SPATS2L: variants seen among roughly 807,000 people sequenced by gnomAD.
SPATS2L encodes the protein spermatogenesis associated serine rich 2 like, also known as SPATS2-like protein.
Under a neutral mutation model 59.6 loss-of-function variants are expected in SPATS2L, and 30 were observed. The ratio of observed to expected loss-of-function variants is 0.50; its 90% CI spans 0.38 to 0.68. The LOEUF (loss-of-function observed/expected upper bound fraction) is 0.68. SPATS2L is among the 30% of genes least tolerant of loss of function. The probability of loss-of-function intolerance (pLI) is 0.00; values close to 1 mark genes in which losing one functional copy is unlikely to be tolerated. For missense variants in SPATS2L, 615 were observed against 700.0 expected, an observed-to-expected ratio of 0.88 and a Z score of 1.37; for synonymous variants, 252 against 263.5, an observed-to-expected ratio of 0.96 and a Z score of 0.42.
rs552537491 is a variant in SPATS2L at position 200,477,792 on chromosome 2, C to T, written c.1438C>T (p.Arg480Trp). 10 of 1,576,520 alleles carry T rather than the reference C, an allele frequency of 6.3e-6. No individual in the cohort carries two copies. Among genetic ancestry groups the T allele is most frequent in the Admixed American group, 1.9e-5 (1 of 53,796 alleles). The change falls in exon 13 of 13, where the codon CGG (arginine) becomes TGG (tryptophan). Residue 480 changes from arginine (R) to tryptophan (W), a missense_variant. By Grantham distance (101) the Arg-to-Trp change is moderately radical. This residue lies in a region of SPATS2L where 284 missense variants were observed against 280.1 expected (regional missense o/e 1.01). Transcript: ENST00000409140. The part of the protein sequence containing the change: ...EHRRQPHNGF[R>W]PKNKGGAKNQ... ...CAGAAGACAGCCGCACAACGGCTTC[C>T]GGCCCAAAAACAAAGGCGGTGCCAA...
chr2:200,438,753 T>C (rs1164903558), intron 6 of SPATS2L, among the ~76,000 whole-genome samples: 11 of 152,166 alleles, frequency 7.2e-5, no homozygotes, highest in African/African-American at 1.2e-4. Flanking sequence ...AAATTGTACT[T>C]AAAAGACTCA....
intron 12 of SPATS2L, among the ~76,000 whole-genome samples, chr2:200,475,811 C>A (rs1409438740): frequency 6.6e-6 from 1 of 152,148 alleles, no homozygotes; most frequent in Non-Finnish European, 1.5e-5. Context: ...ATTTGTAACT[C>A]ATAAAATTTC....
chr2:200,418,193 G>A (rs1559113473), intron 5 of SPATS2L, among the ~76,000 whole-genome samples: 1 of 152,198 alleles, frequency 6.6e-6, no homozygotes, highest in African/African-American at 2.4e-5. Flanking sequence ...GCTAGCAGCC[G>A]AGAGGTCCAG....
At chr2:200,427,317 A>G (rs1268664880) in intron 6 of SPATS2L, among the ~76,000 whole-genome samples, 2 of 151,986 alleles carry the variant, frequency 1.3e-5, no homozygotes, top group South Asian at 2.1e-4. Flanking sequence ...CAAGCACCCC[A>G]TAAATATATA....
At chr2:200,427,692 T>A (rs2083659411) in intron 6 of SPATS2L, among the ~76,000 whole-genome samples, 1 of 152,120 alleles carries the variant, frequency 6.6e-6, no homozygotes, top group Admixed American at 6.5e-5. Flanking sequence ...TATCTGTATT[T>A]GATAAAGACA....
At chr2:200,334,055 C>T (rs1288467426) in intron 2 of SPATS2L, among the ~76,000 whole-genome samples, 7 of 152,358 alleles carry the variant, frequency 4.6e-5, no homozygotes, top group Admixed American at 3.3e-4. Flanking sequence ...ATTTCTGGTT[C>T]TAGATCCCTG....
At chr2:200,383,408 T>C (rs1451146112) in intron 2 of SPATS2L, among the ~76,000 whole-genome samples, 1 of 152,240 alleles carries the variant, frequency 6.6e-6, no homozygotes, top group African/African-American at 2.4e-5. Flanking sequence ...ATTCCTTTTT[T>C]TGTACTCAGT....
chr2:200,396,276 T>C (rs1474362312), intron 3 of SPATS2L, among the ~76,000 whole-genome samples: 1 of 151,650 alleles, frequency 6.6e-6, no homozygotes, highest in Non-Finnish European at 1.5e-5. Context: ...TGAATAGCTT[T>C]TAGAACTGTT....
At chr2:200,309,618 T>G (rs775234161) in intron 1 of SPATS2L, among the ~76,000 whole-genome samples, 18 of 152,372 alleles carry the variant, frequency 1.2e-4, no homozygotes, top group Admixed American at 2.0e-4. Flanking sequence ...TTGGGTCTGT[T>G]TATTGATCTC....
intron 3 of SPATS2L, among the ~76,000 whole-genome samples, chr2:200,402,620 T>G (rs2082562706): frequency 6.6e-6 from 1 of 152,246 alleles, no homozygotes; most frequent in Non-Finnish European, 1.5e-5. Context: ...GCATCCTTAC[T>G]GCTTCTTCTA....
intron 2 of SPATS2L, among the ~76,000 whole-genome samples, chr2:200,340,349 G>T (rs987886097): frequency 3.9e-5 from 6 of 152,118 alleles, no homozygotes; most frequent in African/African-American, 1.4e-4. Flanking sequence ...GGGTATGTCT[G>T]TTCCTTCCTG....
chr2:200,443,334 T>C (rs2084822051), intron 8 of SPATS2L, among the ~76,000 whole-genome samples: 1 of 152,184 alleles, frequency 6.6e-6, no homozygotes, highest in Non-Finnish European at 1.5e-5. Context: ...AATTTTCCTA[T>C]TGATGGTGAA....
At chr2:200,457,462 G>A (rs2085926877) in intron 8 of SPATS2L, among the ~76,000 whole-genome samples, 1 of 152,194 alleles carries the variant, frequency 6.6e-6, no homozygotes, top group Admixed American at 6.5e-5. Flanking sequence ...GGGCAGAGAT[G>A]GGATAAAGAG....
chr2:200,439,038 C>G, intron 6 of SPATS2L, 84 bp from the exon 7 acceptor site: 2 of 1,220,368 alleles, frequency 1.6e-6, no homozygotes, highest in Non-Finnish European at 1.2e-6. Context: ...TAAACAAAAA[C>G]AAAAATCTTG....
At chr2:200,470,292 C>T (rs1421214415) in intron 11 of SPATS2L, among the ~76,000 whole-genome samples, 1 of 152,218 alleles carries the variant, frequency 6.6e-6, no homozygotes, top group Non-Finnish European at 1.5e-5. Context: ...TTATTAAGCA[C>T]TGCCAGTTAA....
intron 9 of SPATS2L, among the ~76,000 whole-genome samples, chr2:200,465,723 T>C (rs947444341): frequency 1.3e-5 from 2 of 152,178 alleles, no homozygotes; most frequent in African/African-American, 2.4e-5. Context: ...ATCTCAACAT[T>C]GATATCAGCA....
chr2:200,393,420 C>G, intron 3 of SPATS2L: 5 of 430,740 alleles, frequency 1.2e-5, no homozygotes, highest in South Asian at 8.2e-5. Context: ...CCACAGTCAT[C>G]CCACTCCTCA....
Position 200,451,252 on chromosome 2 carries a change from C to T in SPATS2L, c.789-8517C>T, listed in dbSNP as rs1014894665. ...GGAAGGATCGCCTGAGCCCAGGAGG[C>T]GGAGTTTGCAGGGAGCCAACATCAC... is the stretch of plus-strand genomic sequence containing the variant. On this transcript the variant is annotated intron_variant, in intron 8 of 12. Transcript: ENST00000409140. 4.6e-5 allele frequency among the ~76,000 whole-genome samples: 7 copies of T among 151,654 alleles called. No individual in the cohort carries two copies. The South Asian group carries it at 8.4e-4, about 18-fold the overall frequency.
At chr2:200,342,149 A>ATC (rs2080353015) in intron 2 of SPATS2L, among the ~76,000 whole-genome samples, 1 of 152,198 alleles carries the variant, frequency 6.6e-6, no homozygotes, top group Non-Finnish European at 1.5e-5. Context: ...ACTTATCACT[A>ATC]ACTATCACTC....
Sources: gnomAD v4.1 joint callset for allele counts (sites outside exome capture counted in the v4.1 genomes callset) on GRCh38, gnomAD v4.1.1 for gene constraint, gnomAD v4.1.1 regional missense constraint, MANE v1.5 for transcripts, NCBI Gene and HGNC (gene_info 2026-07-23, HGNC 2026-07-21) for gene names.